The following MYO3A variants were observed in gnomAD, a reference collection of about 807,000 sequenced individuals.
MYO3A encodes myosin IIIA, also known as myosin-IIIa.
Under a neutral mutation model 192.7 loss-of-function variants are expected in MYO3A, and 180 were observed. The ratio of observed to expected loss-of-function variants is 0.93; its 90% CI spans 0.83 to 1.06. The LOEUF is 1.06. Among genes scored for constraint, MYO3A ranks in the 50% least tolerant of loss-of-function variants. MYO3A has a pLI of 0.00. For missense variants in MYO3A, 1,896 were observed against 1,905.0 expected, an observed-to-expected ratio of 1.00 and a Z score of 0.09; for synonymous variants, 628 against 645.3, an observed-to-expected ratio of 0.97 and a Z score of 0.41.
At chr10:26,098,844 A>G (rs972868549) in intron 17 of MYO3A, among the ~76,000 whole-genome samples, 1 of 152,152 alleles carries the variant, frequency 6.6e-6, no homozygotes, top group East Asian at 1.9e-4. Context: ...GTCAGGTAGC[A>G]TGATGCCTCC....
chr10:26,060,561 T>TGTTATTTTAA (rs76455277), intron 10 of MYO3A, among the ~76,000 whole-genome samples: 71,728 of 151,946 alleles, frequency 0.47, 17,763 homozygotes, highest in Middle Eastern at 0.59. Flanking sequence ...TCCATAAATT[T>TGTTATTTTAA]CCATATCAAA....
rs368375467 is a variant in MYO3A at position 26,143,317 on chromosome 10, C to T, written c.2263-131C>T. The T allele has an allele frequency of 9.4e-4, 830 of 879,688 alleles. 2 individuals carry two copies. The highest frequency in any genetic ancestry group is 1.3e-3 in the Non-Finnish European group (731 of 562,748). The allele number at this position is 879,688 out of a possible 1,614,324, so 54.5% of individuals were successfully genotyped here. A position where few individuals can be genotyped will look rare whatever the true frequency, so the allele number is the denominator to read the frequency against. ...ATATACTCCAGCCTGGACGACAGAG[C>T]GAGTCTCCGTCACAAAAAAAGCAAG... is the stretch of plus-strand genomic sequence containing the variant. On this transcript the variant is annotated intron_variant, in intron 20 of 34. Transcript: ENST00000642920.
At chr10:25,998,903 T>A (rs1039053840) in intron 6 of MYO3A, among the ~76,000 whole-genome samples, 1 of 152,166 alleles carries the variant, frequency 6.6e-6, no homozygotes, top group South Asian at 2.1e-4. Flanking sequence ...TGTTTTGTTT[T>A]GTTTTGTTTT....
chr10:26,039,056 T>C (rs1329827401), intron 10 of MYO3A, among the ~76,000 whole-genome samples: 2 of 149,076 alleles, frequency 1.3e-5, no homozygotes, highest in East Asian at 3.9e-4. Flanking sequence ...TTTGTTTGTT[T>C]TGAGACGGAG....
intron 31 of MYO3A, among the ~76,000 whole-genome samples, chr10:26,186,266 C>CTTTTTT (rs35154545): frequency 1.5e-5 from 2 of 129,722 alleles, no homozygotes. Context: ...TGATATCCTT[C>CTTTTTT]TTTTTTTTTT....
rs368141349 is a variant in MYO3A at position 26,157,407 on chromosome 10, A to G, written c.2891A>G (p.Asp964Gly). ...PNSERQARKY[D>G]KEKVLLQLRY... ...AGTGAGCGTCAGGCAAGAAAATATG[A>G]CAAAGAGAAAGTTCTGCTACAGCTT... Residue 964 changes from aspartate to glycine, a missense_variant, in exon 26 of 35, where the codon GAC becomes GGC. Asp to Gly is a moderately conservative substitution (Grantham distance 94). Transcript: ENST00000642920. The G allele has an allele frequency of 4.3e-6, 7 of 1,614,054 alleles. No homozygotes were observed. The highest frequency in any genetic ancestry group is 5.1e-6 in the Non-Finnish European group (6 of 1,180,014).
At chr10:26,072,670 C>G (rs12253015) in intron 14 of MYO3A, among the ~76,000 whole-genome samples, 1 of 150,582 alleles carries the variant, frequency 6.6e-6, no homozygotes, top group South Asian at 2.1e-4. Context: ...GTTCAAGCTC[C>G]AAGACCAGAA....
chr10:26,117,227 G>A (rs1838564307), intron 17 of MYO3A, among the ~76,000 whole-genome samples: 1 of 151,974 alleles, frequency 6.6e-6, no homozygotes, highest in Admixed American at 6.6e-5. Context: ...ACTTTATGAT[G>A]GAATTCTGCA....
intron 20 of MYO3A, among the ~76,000 whole-genome samples, chr10:26,141,207 A>C (rs765745790): frequency 6.6e-6 from 1 of 152,186 alleles, no homozygotes; most frequent in Non-Finnish European, 1.5e-5. Flanking sequence ...GATTACAGGC[A>C]TGTGCCACTG....
At chr10:26,055,510 C>T (rs1844260673) in intron 10 of MYO3A, among the ~76,000 whole-genome samples, 3 of 151,960 alleles carry the variant, frequency 2.0e-5, no homozygotes, top group South Asian at 4.1e-4. Context: ...GAACTGTAAT[C>T]GATGAATTGC....
intron 32 of MYO3A, among the ~76,000 whole-genome samples, chr10:26,199,297 A>C (rs1305679890): frequency 6.6e-6 from 1 of 152,244 alleles, no homozygotes; most frequent in Non-Finnish European, 1.5e-5. Context: ...TCACACCTGT[A>C]ATCCCAGCAC....
At chr10:26,099,442 A>G (rs553475197) in intron 17 of MYO3A, among the ~76,000 whole-genome samples, 3 of 152,272 alleles carry the variant, frequency 2.0e-5, no homozygotes, top group Middle Eastern at 3.4e-3. Context: ...AACTTCCAAC[A>G]CTATGTTGAA....
intron 31 of MYO3A, among the ~76,000 whole-genome samples, chr10:26,183,735 G>T (rs1038019242): frequency 6.6e-6 from 1 of 152,010 alleles, no homozygotes; most frequent in Non-Finnish European, 1.5e-5. Flanking sequence ...AGTTCAGAAT[G>T]GGGCTGGGGG....
intron 4 of MYO3A, among the ~76,000 whole-genome samples, chr10:25,991,442 A>T (rs909265488): frequency 2.0e-5 from 3 of 151,736 alleles, no homozygotes; most frequent in Non-Finnish European, 2.9e-5. Context: ...GATTGCAAAA[A>T]TTTTCTCCCA....
intron 15 of MYO3A, among the ~76,000 whole-genome samples, chr10:26,095,428 C>A (rs1836957239): frequency 6.6e-6 from 1 of 152,050 alleles, no homozygotes; most frequent in Non-Finnish European, 1.5e-5. Flanking sequence ...AAGGGGAATG[C>A]CACAGAGAGA....
chr10:26,208,138 A>G (rs1844060037), intron 34 of MYO3A, among the ~76,000 whole-genome samples: 1 of 152,136 alleles, frequency 6.6e-6, no homozygotes, highest in Non-Finnish European at 1.5e-5. Context: ...GAATGGCACT[A>G]GAGGAAAAGA....
chr10:25,976,186 C>T (rs1838955065), intron 4 of MYO3A, among the ~76,000 whole-genome samples: 1 of 152,144 alleles, frequency 6.6e-6, no homozygotes, highest in Non-Finnish European at 1.5e-5. Context: ...AAACATACAG[C>T]AGTGTCTTAT....
intron 17 of MYO3A, among the ~76,000 whole-genome samples, chr10:26,108,079 G>A (rs780338209): frequency 2.6e-5 from 4 of 151,962 alleles, no homozygotes; most frequent in Non-Finnish European, 5.9e-5. Context: ...TTTAATTTTT[G>A]TAACAAAGTA....
intron 14 of MYO3A, among the ~76,000 whole-genome samples, chr10:26,086,162 A>G (rs1474667608): frequency 2.0e-5 from 3 of 152,152 alleles, no homozygotes; most frequent in Non-Finnish European, 2.9e-5. Flanking sequence ...GAAGGCCTCA[A>G]AAAAACTTAC....
Sources: allele counts gnomAD v4.1 joint callset (sites outside exome capture counted in the v4.1 genomes callset), GRCh38; gene constraint gnomAD v4.1.1; transcripts MANE v1.5; gene names NCBI Gene and HGNC (gene_info 2026-07-23, HGNC 2026-07-21).